STMN2: variants seen among roughly 807,000 people sequenced by gnomAD.
STMN2 encodes the protein stathmin-2.
Under a neutral mutation model 24.1 loss-of-function variants are expected in STMN2, and 2 were observed. That is an observed-to-expected ratio of 0.08 (90% CI 0.03 to 0.26). The LOEUF is 0.26. STMN2 is among the 10% of genes least tolerant of loss of function. STMN2 has a pLI of 1.00. For missense variants in STMN2, 114 were observed against 213.6 expected (o/e 0.53, Z 2.91); for synonymous variants, 83 against 77.5 (o/e 1.07, Z -0.37).
chr8:79,641,965 C>G (rs1245425571), intron 3 of STMN2, among the ~76,000 whole-genome samples: 1 of 152,126 alleles, frequency 6.6e-6, no homozygotes, highest in Non-Finnish European at 1.5e-5. Context: ...GCTGCTTCCT[C>G]CCTCTCAGGA....
chr8:79,646,987 T>A (rs1810232328), intron 3 of STMN2, among the ~76,000 whole-genome samples: 1 of 151,942 alleles, frequency 6.6e-6, no homozygotes, highest in South Asian at 2.1e-4. Flanking sequence ...CGAGGTGGGA[T>A]TAGGGAGGGC....
intron 1 of STMN2, among the ~76,000 whole-genome samples, chr8:79,616,030 G>T (rs1451013843): frequency 6.6e-6 from 1 of 152,100 alleles, no homozygotes; most frequent in African/African-American, 2.4e-5. Flanking sequence ...CTTCTTCATC[G>T]ATTGAAATGT....
At chr8:79,626,398 C>A (rs185400667) in intron 1 of STMN2, among the ~76,000 whole-genome samples, 1 of 152,168 alleles carries the variant, frequency 6.6e-6, no homozygotes, top group South Asian at 2.1e-4. Context: ...TTTGCCTCTA[C>A]GCCAAGAAAT....
intron 4 of STMN2, among the ~76,000 whole-genome samples, chr8:79,657,600 T>C (rs1488995062): frequency 6.6e-6 from 1 of 152,210 alleles, no homozygotes; most frequent in East Asian, 1.9e-4. Flanking sequence ...CGTCACATAA[T>C]GCAGCCCAGA....
chr8:79,649,788 G>A (rs1430945242), intron 3 of STMN2, among the ~76,000 whole-genome samples: 1 of 152,100 alleles, frequency 6.6e-6, no homozygotes, highest in Non-Finnish European at 1.5e-5. Flanking sequence ...TGAGTTTTAT[G>A]TACTAGTTAC....
intron 3 of STMN2, among the ~76,000 whole-genome samples, chr8:79,642,984 A>G (rs914716790): frequency 3.4e-5 from 5 of 148,410 alleles, no homozygotes; most frequent in African/African-American, 1.2e-4. Context: ...TATACCAATT[A>G]TAGATATAAA....
intron 1 of STMN2, chr8:79,613,874 C>G: frequency 2.1e-6 from 2 of 975,074 alleles, no homozygotes; most frequent in Non-Finnish European, 2.4e-6. Flanking sequence ...TTGCTAAGAG[C>G]AGGGTTTGTG....
intron 4 of STMN2, among the ~76,000 whole-genome samples, chr8:79,660,829 A>G (rs532061042): frequency 9.2e-5 from 14 of 151,798 alleles, no homozygotes; most frequent in African/African-American, 3.4e-4. Flanking sequence ...ACAAGTCTCT[A>G]AAGTCCATTA....
intron 1 of STMN2, among the ~76,000 whole-genome samples, chr8:79,618,672 A>T (rs1809440655): frequency 6.6e-6 from 1 of 152,328 alleles, no homozygotes; most frequent in East Asian, 1.9e-4. Context: ...TCAAGGAGAC[A>T]TTTGCAGTAG....
intron 1 of STMN2, among the ~76,000 whole-genome samples, chr8:79,617,935 T>C (rs947644225): frequency 3.3e-5 from 5 of 152,236 alleles, no homozygotes; most frequent in African/African-American, 4.8e-5. Flanking sequence ...GTAGGTTCTA[T>C]TACAGATATG....
intron 1 of STMN2, among the ~76,000 whole-genome samples, chr8:79,624,428 T>C (rs1417263550): frequency 8.4e-6 from 1 of 119,484 alleles, no homozygotes; most frequent in East Asian, 2.4e-4. Context: ...CACTCCAGCC[T>C]GGGCGACAGA....
chr8:79,651,482 G>A (rs780859062), intron 3 of STMN2, among the ~76,000 whole-genome samples: 2 of 152,210 alleles, frequency 1.3e-5, no homozygotes, highest in Non-Finnish European at 2.9e-5. Context: ...TGTTCATGCA[G>A]ATCAAATGTG....
chr8:79,642,554 CT>C (rs1810124218), intron 3 of STMN2, among the ~76,000 whole-genome samples: 1 of 152,136 alleles, frequency 6.6e-6, no homozygotes, highest in African/African-American at 2.4e-5. Flanking sequence ...TCAGCCAAAA[CT>C]TTGGACACTT....
intron 1 of STMN2, among the ~76,000 whole-genome samples, chr8:79,623,085 A>G (rs1234561981): frequency 1.3e-5 from 2 of 152,212 alleles, no homozygotes; most frequent in African/African-American, 4.8e-5. Context: ...ATCTGGATCA[A>G]TTTAGCCTTC....
At chr8:79,643,184 AT>A (rs1810147037) in intron 3 of STMN2, among the ~76,000 whole-genome samples, 2 of 140,874 alleles carry the variant, frequency 1.4e-5, no homozygotes, top group African/African-American at 5.1e-5. Context: ...ACTAGTTATC[AT>A]TGTTCTAGAT....
chr8:79,649,192 G>A (rs1810282115), intron 3 of STMN2, among the ~76,000 whole-genome samples: 1 of 152,112 alleles, frequency 6.6e-6, no homozygotes, highest in Admixed American at 6.5e-5. Context: ...TATAGCAATG[G>A]ATTATGAAAC....
chr8:79,619,372 T>G (rs1364295287), intron 1 of STMN2, among the ~76,000 whole-genome samples: 2 of 152,036 alleles, frequency 1.3e-5, no homozygotes, highest in African/African-American at 2.4e-5. Context: ...TCTTTGGAAG[T>G]TTTTTTTCCT....
chr8:79,638,489 C>A (rs1810018634), intron 2 of STMN2, among the ~76,000 whole-genome samples: 1 of 152,104 alleles, frequency 6.6e-6, no homozygotes, highest in Non-Finnish European at 1.5e-5. Context: ...CTAAAAGAGT[C>A]CGTAGAGAAT....
intron 1 of STMN2, among the ~76,000 whole-genome samples, chr8:79,631,782 A>G (rs915323333): frequency 6.6e-6 from 1 of 152,234 alleles, no homozygotes; most frequent in Non-Finnish European, 1.5e-5. Context: ...CTTGAGTTAT[A>G]GTGCCCCAAA....
Sources: allele counts gnomAD v4.1 joint callset (sites outside exome capture counted in the v4.1 genomes callset), GRCh38; gene constraint gnomAD v4.1.1; transcripts MANE v1.5; gene names NCBI Gene and HGNC (gene_info 2026-07-23, HGNC 2026-07-21).